Variants in DBNL observed in about 807,000 individuals in gnomAD.
The protein encoded by DBNL is drebrin-like protein.
A neutral mutation model predicts 62.2 loss-of-function variants in DBNL; 35 were observed. That is an observed-to-expected ratio of 0.56 (90% CI 0.43 to 0.75). The LOEUF (loss-of-function observed/expected upper bound fraction) is 0.75, where lower values mean the gene tolerates loss of function less well. DBNL is among the 30% of genes least tolerant of loss of function. DBNL has a pLI of 0.00. For synonymous variants in DBNL, 197 were observed against 218.0 expected (o/e 0.90, Z 0.85); for missense variants, 495 against 578.4 (o/e 0.86, Z 1.48).
chr7:44,058,510 C>A (rs993378792), intron 8 of DBNL, 30 bp downstream of exon 8: 1 of 1,612,374 alleles, frequency 6.2e-7, no homozygotes, highest in Non-Finnish European at 8.5e-7. Flanking sequence ...CTTGTTTGGA[C>A]CTGTCCTGGC....
chr7:44,052,368 G>A (rs1043454622), intron 3 of DBNL, among the ~76,000 whole-genome samples: 3 of 152,040 alleles, frequency 2.0e-5, no homozygotes, highest in African/African-American at 7.3e-5. Context: ...CTAGAACTTT[G>A]GGAGGCCGAG....
At position 44,065,822 on chromosome 7, in the gene DBNL, G is replaced by T. The variant is rs976564870; in HGVS notation, c.*4906G>T. On this transcript the variant is annotated 3_prime_UTR_variant, in exon 13 of 13. Transcript: ENST00000448521. Reference sequence around the variant, plus strand: ...AGAGCCCAGACTGAGTGGGGCTGCTGGTCAGGGATGGGCGTGAAGGGCAGA... The same window carrying T: ...AGAGCCCAGACTGAGTGGGGCTGCTTGTCAGGGATGGGCGTGAAGGGCAGA... 7 of 524,164 alleles carry T rather than the reference G, an allele frequency of 1.3e-5. No individual in the cohort carries two copies. The highest frequency in any genetic ancestry group is 8.1e-5 in the South Asian group (4 of 49,430). The allele number at this position is 524,164 out of a possible 1,614,324, so 32.5% of individuals were successfully genotyped here.
rs780821638 is a variant in DBNL at position 44,059,461 on chromosome 7, G to T, written c.931+12G>T. On this transcript the variant is annotated intron_variant, in intron 10 of 12. Transcript: ENST00000448521. This position sits in a 1 kb window ranked among gnomAD's most constrained non-coding sequence, Gnocchi z 4.1. The stretch of plus-strand genomic sequence containing the variant: ...AAGGCCCAGGGCAGGCAAGGCGCTT[G>T]TCACCCCATGGGGACCCTGGGGGAC... The T allele has an allele frequency of 1.2e-6, 2 of 1,613,954 alleles. No individual in the cohort carries two copies. Among genetic ancestry groups the T allele is most frequent in the South Asian group, 1.1e-5 (1 of 91,074 alleles).
At chr7:44,047,292 C>G (rs910910830) in intron 1 of DBNL, among the ~76,000 whole-genome samples, 1 of 152,078 alleles carries the variant, frequency 6.6e-6, no homozygotes, top group African/African-American at 2.4e-5. Flanking sequence ...GAAGGATGGA[C>G]CAAGTCATAC....
At chr7:44,051,747 A>T (rs763698879) in intron 2 of DBNL, 83 bp from the exon 3 acceptor site, 1 of 1,297,458 alleles carries the variant, frequency 7.7e-7, no homozygotes, top group Non-Finnish European at 1.1e-6. Flanking sequence ...GTTTAGAAGC[A>T]GCTCGGCCTC....
At chr7:44,046,363 G>A (rs966561319) in intron 1 of DBNL, among the ~76,000 whole-genome samples, 1 of 152,178 alleles carries the variant, frequency 6.6e-6, no homozygotes, top group Non-Finnish European at 1.5e-5. Flanking sequence ...AGTCTTCTCA[G>A]GAACCATCAC....
In DBNL at chr7:44,060,128, C is replaced by T. The variant is rs2096145756; in HGVS notation, c.1128C>T (p.Ala376=). The change falls in exon 12 of 13, where the codon GCC becomes GCT. Residue 376 remains alanine, a synonymous_variant. Coordinates refer to ENST00000448521, the MANE Select transcript of DBNL (RefSeq NM_001014436.3). The surrounding 1 kb of genome is among the most constrained non-coding windows in gnomAD (Gnocchi z 6.3). ...GGCTCAGTGGGCAAGGGCTCTGTGC[C>T]CGTGCCCTGTACGACTACCAGGCAG... The part of the protein sequence containing the change: ...GQGLSGQGLC[A]RALYDYQAAD... 1 of 1,612,748 alleles carries T rather than the reference C, an allele frequency of 6.2e-7. No individual in the cohort carries two copies. The highest frequency in any genetic ancestry group is 1.1e-5 in the South Asian group (1 of 91,070).
Position 44,058,278 on chromosome 7 carries a change from G to C in DBNL, c.702G>C (p.Gln234His), listed in dbSNP as rs764867008. The C allele has an allele frequency of 5.1e-5, 81 of 1,575,880 alleles. 2 individuals carry two copies. In the South Asian group the frequency reaches 9.0e-4, roughly 17 times the overall value. ...AGCAGGGTGGCGAGGCCAGCCCCCA[G>C]AGGTGAGCCAGAGGTGGAGGCTGGC... ...YQEQGGEASP[Q>H]RTWEQQQEVV... is the part of the protein sequence containing the mutation. The change falls in exon 7 of 13, where the codon CAG becomes CAC. Residue 234 changes from glutamine to histidine, a missense_variant and splice_region_variant. Transcript: ENST00000448521.
chr7:44,062,007 A>C lies in DBNL; in HGVS notation c.*1091A>C, dbSNP rs2096150159. 6.5e-6 allele frequency: 1 copy of C among 153,280 alleles called. No individual in the cohort carries two copies. The highest frequency in any genetic ancestry group is 6.5e-5 in the Admixed American group (1 of 15,428). 9.5% of individuals were successfully genotyped at this position (153,280 alleles called of 1,614,324 possible). A position where few individuals can be genotyped will look rare whatever the true frequency, so the allele number is the denominator to read the frequency against. On this transcript the variant is annotated 3_prime_UTR_variant, in exon 13 of 13. Coordinates refer to ENST00000448521, the MANE Select transcript of DBNL (RefSeq NM_001014436.3). ...AGCCTCTGCCTACATGGGATGGCCC[A>C]CTGTGTGGCGTCAGGTACCTGGCAC...
At position 44,060,301 on chromosome 7, in the gene DBNL, T is replaced by C. The variant is rs1372169973; in HGVS notation, c.1153+148T>C. 3 of 691,140 alleles carry C rather than the reference T, an allele frequency of 4.3e-6. No individual in the cohort carries two copies. The highest frequency in any genetic ancestry group is 7.3e-6 in the Non-Finnish European group (3 of 410,006). The allele number at this position is 691,140 out of a possible 1,614,324, so 42.8% of individuals were successfully genotyped here. The stretch of plus-strand genomic sequence containing the variant: ...CGGTGCGTTTAGGGGTAGAAGCACC[T>C]CTGGAGTGGGGGTGACTGTGGCACT... On this transcript the variant is annotated intron_variant, in intron 12 of 12. Transcript: ENST00000448521. The surrounding 1 kb of genome is among the most constrained non-coding windows in gnomAD (Gnocchi z 6.3).
intron 4 of DBNL, among the ~76,000 whole-genome samples, chr7:44,053,720 A>G (rs1383940418): frequency 6.8e-6 from 1 of 146,542 alleles, no homozygotes; most frequent in Non-Finnish European, 1.5e-5. Context: ...TCCGTTGCCC[A>G]GGCTGGAGTG....
Position 44,060,048 on chromosome 7 carries a change from G to A in DBNL, c.1048G>A (p.Val350Met), listed in dbSNP as rs879601565. The change falls in exon 12 of 13, where the codon GTG (valine) becomes ATG (methionine). Residue 350 changes from valine to methionine, a missense_variant and splice_region_variant. Coordinates refer to ENST00000448521, the MANE Select transcript of DBNL (RefSeq NM_001014436.3). The surrounding 1 kb of genome is among the most constrained non-coding windows in gnomAD (Gnocchi z 6.3). ...TAACACCTTTGTCATCCCTGGGCAG[G>A]TGCAGCAGCAAGGTGCTGGCTCTGA... is the stretch of plus-strand genomic sequence containing the variant. ...QETFYEQPPL[V>M]QQQGAGSEHI... 2.5e-6 allele frequency: 4 copies of A among 1,612,852 alleles called. No individual in the cohort carries two copies. The highest frequency in any genetic ancestry group is 3.4e-6 in the Non-Finnish European group (4 of 1,179,238).
intron 1 of DBNL, 149 bp from the exon 2 acceptor site, chr7:44,050,076 C>A: frequency 5.1e-6 from 4 of 789,184 alleles, no homozygotes; most frequent in Non-Finnish European, 8.4e-6. Context: ...CCTAGTGGGT[C>A]AGAGCAAAGT....
Position 44,065,477 on chromosome 7 carries a change from T to A in DBNL, c.*4561T>A. 2 of 1,614,148 alleles carry A rather than the reference T, an allele frequency of 1.2e-6. No individual in the cohort carries two copies. Among genetic ancestry groups the A allele is most frequent in the Non-Finnish European group, 1.7e-6 (2 of 1,180,038 alleles). On this transcript the variant is annotated 3_prime_UTR_variant, in exon 13 of 13. Coordinates refer to ENST00000448521, the MANE Select transcript of DBNL (RefSeq NM_001014436.3). ...GAACCAGCCACAGAAACGGTTCTCC[T>A]GGTTCCATGTGCTCTCGCCGTGCCG... is the stretch of plus-strand genomic sequence containing the variant.
chr7:44,049,773 G>A, intron 1 of DBNL: 1 of 158,878 alleles, frequency 6.3e-6, no homozygotes, highest in South Asian at 1.6e-4. Flanking sequence ...CTTCCAAGGG[G>A]CCCAGTGTGT....
At chr7:44,053,451 C>A (rs1483267168) in intron 4 of DBNL, among the ~76,000 whole-genome samples, 1 of 152,176 alleles carries the variant, frequency 6.6e-6, no homozygotes, top group Non-Finnish European at 1.5e-5. Flanking sequence ...TTTTGCATTT[C>A]TCTGGCAAAG....
chr7:44,065,001 G>T lies in DBNL; in HGVS notation c.*4085G>T, dbSNP rs376134077. Reference sequence around the variant, plus strand: ...GGAGTTCCCCGGGCTTCAGGCCTGCGTACCGACGCTCCTGGGGGACACAGG... The same window carrying T: ...GGAGTTCCCCGGGCTTCAGGCCTGCTTACCGACGCTCCTGGGGGACACAGG... On this transcript the variant is annotated 3_prime_UTR_variant, in exon 13 of 13. Transcript: ENST00000448521. 1.9e-6 allele frequency: 3 copies of T among 1,606,198 alleles called. No individual in the cohort carries two copies. Among genetic ancestry groups the T allele is most frequent in the South Asian group, 1.1e-5 (1 of 90,886 alleles).
intron 1 of DBNL, among the ~76,000 whole-genome samples, chr7:44,049,166 CT>C (rs1162668932): frequency 1.3e-5 from 2 of 151,728 alleles, no homozygotes; most frequent in South Asian, 4.2e-4. Context: ...GAGTTCTGTT[CT>C]TTTTTTTGAG....
intron 1 of DBNL, 123 bp from the exon 2 acceptor site, chr7:44,050,102 C>A: frequency 9.1e-7 from 1 of 1,101,694 alleles, no homozygotes; most frequent in African/African-American, 1.6e-5. Flanking sequence ...CGGGCCTGTG[C>A]CCACCCACAG....
Sources: gnomAD v4.1 joint callset for allele counts (sites outside exome capture counted in the v4.1 genomes callset) on GRCh38, gnomAD v4.1.1 for gene constraint, Gnocchi (gnomAD v3.1) non-coding constraint, MANE v1.5 for transcripts, NCBI Gene and HGNC (gene_info 2026-07-23, HGNC 2026-07-21) for gene names.